ULK4: variants seen among roughly 807,000 people sequenced by gnomAD.
ULK4 encodes unc-51 like kinase 4.
ULK4 carries 133 observed loss-of-function variants against 160.6 expected under a neutral mutation model. The ratio of observed to expected loss-of-function variants is 0.83; its 90% CI spans 0.72 to 0.96. ULK4 has a LOEUF of 0.96. Among genes scored for constraint, ULK4 ranks in the 40% least tolerant of loss-of-function variants. The probability of loss-of-function intolerance (pLI) is 0.00; values close to 1 mark genes in which losing one functional copy is unlikely to be tolerated. For synonymous variants in ULK4, 534 were observed against 539.8 expected (o/e 0.99, Z 0.15); for missense variants, 1,580 against 1,499.5 (o/e 1.05, Z -0.89).
chr3:41,756,010 G>C (rs952233365), intron 21 of ULK4, among the ~76,000 whole-genome samples: 1 of 152,148 alleles, frequency 6.6e-6, no homozygotes, highest in African/African-American at 2.4e-5. Flanking sequence ...AAGACAGAGA[G>C]AGAGACAAAT....
chr3:41,394,014 C>T (rs942416378), intron 35 of ULK4, among the ~76,000 whole-genome samples: 1 of 152,140 alleles, frequency 6.6e-6, no homozygotes, highest in Admixed American at 6.5e-5. Flanking sequence ...TGGAGCTGAT[C>T]TCCAGGGATG....
At chr3:41,906,988 TC>T (rs1479853179) in intron 12 of ULK4, among the ~76,000 whole-genome samples, 2 of 151,004 alleles carry the variant, frequency 1.3e-5, no homozygotes, top group Admixed American at 6.6e-5. Flanking sequence ...CAAGACTGTC[TC>T]CAAAAAAAAA....
intron 17 of ULK4, among the ~76,000 whole-genome samples, chr3:41,878,423 G>C (rs748024801): frequency 1.3e-5 from 2 of 152,074 alleles, no homozygotes; most frequent in Non-Finnish European, 2.9e-5. Flanking sequence ...AATCTCACTA[G>C]ACACGGAGAT....
At chr3:41,902,337 T>C (rs551895659) in intron 12 of ULK4, among the ~76,000 whole-genome samples, 47 of 152,256 alleles carry the variant, frequency 3.1e-4, no homozygotes, top group African/African-American at 1.0e-3. Context: ...CCCAGCACTT[T>C]GGTAGGCCGA....
At position 41,651,975 on chromosome 3, in the gene ULK4, AT is replaced by A. The variant is rs775869672; in HGVS notation, c.3071+11631del. Among the ~76,000 whole-genome samples the A allele has an allele frequency of 4.6e-5, 7 of 152,298 alleles. No individual in the cohort carries two copies. In the East Asian group the frequency reaches 7.7e-4, roughly 17 times the overall value. ...CTTGAGAAAAGCTATCACTGAACCC[AT>A]GAAAGCCAGAGAAGAATAACTATAA... is the stretch of plus-strand genomic sequence containing the variant. On this transcript the variant is annotated intron_variant, in intron 30 of 36. Coordinates refer to ENST00000301831, the MANE Select transcript of ULK4 (RefSeq NM_017886.4).
At chr3:41,516,066 C>A (rs2085737867) in intron 32 of ULK4, among the ~76,000 whole-genome samples, 1 of 136,698 alleles carries the variant, frequency 7.3e-6, no homozygotes, top group East Asian at 2.1e-4. Context: ...GCATGTTAAA[C>A]CTCAATAAAA....
intron 17 of ULK4, among the ~76,000 whole-genome samples, chr3:41,841,732 A>T (rs2041933457): frequency 6.6e-6 from 1 of 152,104 alleles, no homozygotes; most frequent in Admixed American, 6.5e-5. Flanking sequence ...GAGAGATCAG[A>T]TTGTTACTGT....
chr3:41,739,161 A>G (rs2038152026), intron 22 of ULK4, among the ~76,000 whole-genome samples: 1 of 152,004 alleles, frequency 6.6e-6, no homozygotes, highest in African/African-American at 2.4e-5. Flanking sequence ...TATGCAAAGC[A>G]GTAAACCATC....
At chr3:41,427,616 A>G (rs2082807196) in intron 34 of ULK4, among the ~76,000 whole-genome samples, 1 of 152,250 alleles carries the variant, frequency 6.6e-6, no homozygotes, top group African/African-American at 2.4e-5. Flanking sequence ...CTGGTTCCAC[A>G]TATGTAAGTC....
intron 32 of ULK4, among the ~76,000 whole-genome samples, chr3:41,541,577 A>T (rs2086696489): frequency 6.6e-6 from 1 of 152,192 alleles, no homozygotes; most frequent in Non-Finnish European, 1.5e-5. Context: ...AGTCAATGGT[A>T]GCTTGATGGG....
intron 30 of ULK4, among the ~76,000 whole-genome samples, chr3:41,645,157 T>C (rs968988236): frequency 2.0e-5 from 3 of 151,010 alleles, no homozygotes; most frequent in East Asian, 3.8e-4. Context: ...CCTGGATTCA[T>C]TAATTTTTTG....
At chr3:41,885,176 AAAAAACTTATG>A (rs1424653745) in intron 16 of ULK4, among the ~76,000 whole-genome samples, 1 of 152,194 alleles carries the variant, frequency 6.6e-6, no homozygotes, top group Non-Finnish European at 1.5e-5. Context: ...AGACAAGCTC[AAAAAACTTATG>A]AAACACTTAA....
chr3:41,946,623 G>T (rs2148836070), intron 2 of ULK4, among the ~76,000 whole-genome samples: 1 of 152,240 alleles, frequency 6.6e-6, no homozygotes, highest in South Asian at 2.1e-4. Context: ...ACTTGGAAAG[G>T]CATCAGTTTA....
chr3:41,471,730 G>A (rs2083996685), intron 32 of ULK4, among the ~76,000 whole-genome samples: 1 of 151,758 alleles, frequency 6.6e-6, no homozygotes, highest in Admixed American at 6.6e-5. Flanking sequence ...ACAAATACAT[G>A]AAAAACAACA....
chr3:41,772,597 A>G lies in ULK4; in HGVS notation c.2193+17064T>C, dbSNP rs138380413. Among the ~76,000 whole-genome samples, 1,190 of 152,230 alleles carry G rather than the reference A, an allele frequency of 7.8e-3. 20 individuals carry two copies. The highest frequency in any genetic ancestry group is 0.026 in the African/African-American group (1,079 of 41,526). ...TAATTAATAGCTTATCAACCAAAAA[A>G]AGTCCAGGACCAGATGGATTCACAG... On this transcript the variant is annotated intron_variant, in intron 21 of 36. Coordinates refer to ENST00000301831, the MANE Select transcript of ULK4 (RefSeq NM_017886.4).
Position 41,285,018 on chromosome 3 carries a change from C to T in ULK4, c.3679-35444G>A, listed in dbSNP as rs539135154. Among the ~76,000 whole-genome samples, 4 of 152,118 alleles carry T rather than the reference C, an allele frequency of 2.6e-5. No individual in the cohort carries two copies. In the East Asian group the frequency reaches 5.8e-4, roughly 22 times the overall value. On this transcript the variant is annotated intron_variant, in intron 35 of 36. Coordinates refer to ENST00000301831, the MANE Select transcript of ULK4 (RefSeq NM_017886.4). ...TTGACATCACTAATGATCAGGGAAACGCAAATGAAAACCACAATGTGATAC... is the reference window on the plus strand; with the variant it reads ...TTGACATCACTAATGATCAGGGAAATGCAAATGAAAACCACAATGTGATAC...
At chr3:41,395,551 C>T (rs933836283) in intron 35 of ULK4, among the ~76,000 whole-genome samples, 2 of 152,060 alleles carry the variant, frequency 1.3e-5, no homozygotes, top group Non-Finnish European at 2.9e-5. Context: ...TAATTCCACT[C>T]GTACGAGGTA....
At chr3:41,316,424 T>TA (rs2080144306) in intron 35 of ULK4, among the ~76,000 whole-genome samples, 1 of 152,230 alleles carries the variant, frequency 6.6e-6, no homozygotes, top group Non-Finnish European at 1.5e-5. Flanking sequence ...ATAAAGCTAT[T>TA]ATTTTTTAAA....
At chr3:41,371,521 C>G (rs2081365702) in intron 35 of ULK4, among the ~76,000 whole-genome samples, 1 of 152,144 alleles carries the variant, frequency 6.6e-6, no homozygotes, top group Admixed American at 6.5e-5. Flanking sequence ...AAGTGGACCC[C>G]CAGCAAACTC....
Sources: gnomAD v4.1 joint callset for allele counts (sites outside exome capture counted in the v4.1 genomes callset) on GRCh38, gnomAD v4.1.1 for gene constraint, MANE v1.5 for transcripts, NCBI Gene and HGNC (gene_info 2026-07-23, HGNC 2026-07-21) for gene names.